The following GALNTL6 variants were observed in gnomAD, a reference collection of about 807,000 sequenced individuals.
GALNTL6 encodes the protein polypeptide N-acetylgalactosaminyltransferase like 6.
GALNTL6 carries 46 observed loss-of-function variants against 73.7 expected under a neutral mutation model. That is an observed-to-expected ratio of 0.62 (90% CI 0.49 to 0.80). The LOEUF (loss-of-function observed/expected upper bound fraction) is 0.80. GALNTL6 is among the 30% of genes least tolerant of loss of function. GALNTL6 has a pLI of 0.00. For synonymous variants in GALNTL6, 259 were observed against 263.7 expected (o/e 0.98, Z 0.17); for missense variants, 604 against 755.0 (o/e 0.80, Z 2.34).
chr4:172,712,837 C>T (rs1241110266), intron 5 of GALNTL6, among the ~76,000 whole-genome samples: 1 of 152,028 alleles, frequency 6.6e-6, no homozygotes, highest in East Asian at 1.9e-4. Flanking sequence ...AAAGAGAAGC[C>T]ACTGACATAT....
chr4:172,984,238 C>T (rs142735831), intron 10 of GALNTL6, among the ~76,000 whole-genome samples: 1 of 152,148 alleles, frequency 6.6e-6, no homozygotes, highest in Admixed American at 6.6e-5. Context: ...CTTTAATGGA[C>T]TTACAGTTCC....
intron 5 of GALNTL6, among the ~76,000 whole-genome samples, chr4:172,655,973 A>C (rs1730981533): frequency 6.6e-6 from 1 of 152,218 alleles, no homozygotes; most frequent in African/African-American, 2.4e-5. Context: ...ACATTAGTCA[A>C]AAACACATGT....
intron 5 of GALNTL6, among the ~76,000 whole-genome samples, chr4:172,557,468 T>C (rs1291887784): frequency 2.0e-5 from 3 of 152,076 alleles, no homozygotes; most frequent in Non-Finnish European, 4.4e-5. Flanking sequence ...AGGCACGGAC[T>C]GGGAGAAAAT....
At position 172,526,512 on chromosome 4, in the gene GALNTL6, C is replaced by T. The variant is rs187750213; in HGVS notation, c.553+177823C>T. 3.4e-3 allele frequency among the ~76,000 whole-genome samples: 515 copies of T among 152,148 alleles called. 7 individuals carry two copies. In the South Asian group the frequency reaches 0.036, roughly 10 times the overall value. On this transcript the variant is annotated intron_variant, in intron 5 of 12. Transcript: ENST00000506823. ...TCAATATTATGACTTGTTTAATCTC[C>T]GACTTTATATTTAAATATAGCATCT...
At chr4:172,650,409 C>G (rs1740424360) in intron 5 of GALNTL6, among the ~76,000 whole-genome samples, 1 of 152,106 alleles carries the variant, frequency 6.6e-6, no homozygotes, top group Admixed American at 6.5e-5. Flanking sequence ...GAAGAGATAT[C>G]TAAGGGCCTA....
At chr4:172,815,619 T>TGAGAA (rs1229126455) in intron 7 of GALNTL6, among the ~76,000 whole-genome samples, 1 of 152,196 alleles carries the variant, frequency 6.6e-6, no homozygotes, top group Non-Finnish European at 1.5e-5. Flanking sequence ...TATAAAAGTA[T>TGAGAA]TCTCAGTGCC....
chr4:172,568,877 G>T (rs145251001), intron 5 of GALNTL6, among the ~76,000 whole-genome samples: 4 of 150,878 alleles, frequency 2.7e-5, no homozygotes, highest in Non-Finnish European at 1.5e-5. Flanking sequence ...ACACAACTTC[G>T]TAAACTTTCT....
chr4:171,937,206 A>G (rs1578987922), intron 2 of GALNTL6, among the ~76,000 whole-genome samples: 1 of 152,166 alleles, frequency 6.6e-6, no homozygotes, highest in Admixed American at 6.5e-5. Flanking sequence ...CTTTAGGGAA[A>G]GCAATTCACT....
chr4:172,538,944 T>G (rs1459917049), intron 5 of GALNTL6, among the ~76,000 whole-genome samples: 1 of 152,070 alleles, frequency 6.6e-6, no homozygotes, highest in Non-Finnish European at 1.5e-5. Flanking sequence ...AATTTAAAAT[T>G]TAAAGGGAAA....
At chr4:172,003,401 C>T (rs1560880141) in intron 2 of GALNTL6, among the ~76,000 whole-genome samples, 1 of 151,986 alleles carries the variant, frequency 6.6e-6, no homozygotes, top group Admixed American at 6.6e-5. Flanking sequence ...CAGAAAAAAA[C>T]TTTTCATTAT....
chr4:172,943,523 G>C (rs1403345374), intron 9 of GALNTL6, among the ~76,000 whole-genome samples: 1 of 152,176 alleles, frequency 6.6e-6, no homozygotes, highest in East Asian at 1.9e-4. Context: ...AATAGGTAAT[G>C]AATACAGTTG....
chr4:172,897,671 T>C (rs57716741), intron 8 of GALNTL6, among the ~76,000 whole-genome samples: 5,468 of 152,272 alleles, frequency 0.036, 251 homozygotes, highest in African/African-American at 0.1. Context: ...TGGTCCACAC[T>C]ATCAAAACAA....
chr4:171,869,032 G>A (rs1736060026), intron 2 of GALNTL6, among the ~76,000 whole-genome samples: 1 of 152,164 alleles, frequency 6.6e-6, no homozygotes, highest in East Asian at 1.9e-4. Flanking sequence ...GCCTCTTCTA[G>A]CTTAACAACT....
intron 5 of GALNTL6, among the ~76,000 whole-genome samples, chr4:172,366,996 G>T (rs1189260709): frequency 2.6e-5 from 4 of 152,184 alleles, no homozygotes; most frequent in Admixed American, 6.5e-5. Flanking sequence ...TAGCTTCTGA[G>T]ATTTAAGTTG....
intron 5 of GALNTL6, among the ~76,000 whole-genome samples, chr4:172,731,058 C>G (rs1375522704): frequency 6.9e-6 from 1 of 145,980 alleles, no homozygotes; most frequent in Non-Finnish European, 1.5e-5. Context: ...CCAGCCTGGG[C>G]TACAGAGCAA....
At chr4:172,975,144 T>C (rs1453904642) in intron 10 of GALNTL6, among the ~76,000 whole-genome samples, 4 of 152,194 alleles carry the variant, frequency 2.6e-5, no homozygotes, top group Non-Finnish European at 4.4e-5. Flanking sequence ...TTGTCCTGCA[T>C]CCAGGAAGAA....
At chr4:172,589,192 C>T (rs79469026) in intron 5 of GALNTL6, among the ~76,000 whole-genome samples, 1,761 of 152,226 alleles carry the variant, frequency 0.012, 13 homozygotes, top group Non-Finnish European at 0.018. Context: ...TAAAGCCCTA[C>T]TAACCTGAGA....
intron 5 of GALNTL6, among the ~76,000 whole-genome samples, chr4:172,778,738 T>C (rs1483634307): frequency 6.6e-6 from 1 of 152,218 alleles, no homozygotes; most frequent in African/African-American, 2.4e-5. Flanking sequence ...AACTTCAGTG[T>C]ATTGCAGGAT....
intron 2 of GALNTL6, among the ~76,000 whole-genome samples, chr4:171,957,457 T>G (rs980957912): frequency 6.6e-6 from 1 of 152,160 alleles, no homozygotes; most frequent in African/African-American, 2.4e-5. Flanking sequence ...AAACTAAAAT[T>G]TATGGACAGC....
Sources: allele counts gnomAD v4.1 joint callset (sites outside exome capture counted in the v4.1 genomes callset), GRCh38; gene constraint gnomAD v4.1.1; transcripts MANE v1.5; gene names NCBI Gene and HGNC (gene_info 2026-07-23, HGNC 2026-07-21).